Variants in TECRL observed in about 807,000 individuals in gnomAD.
TECRL encodes the protein trans-2,3-enoyl-CoA reductase like.
In TECRL, 63 loss-of-function variants were observed where a neutral mutation model predicts 52.8. That is an observed-to-expected ratio of 1.19 (90% confidence interval 0.97 to 1.47). The LOEUF (loss-of-function observed/expected upper bound fraction) is 1.47. Ranked by LOEUF, TECRL falls within the 40% of genes most tolerant of loss-of-function variation. The pLI, the probability that TECRL is intolerant of heterozygous loss-of-function variation, is 0.00. For synonymous variants in TECRL, 164 were observed against 141.9 expected (o/e 1.16, Z -1.10); for missense variants, 482 against 429.6 (o/e 1.12, Z -1.08).
intron 2 of TECRL, among the ~76,000 whole-genome samples, chr4:64,349,177 G>A (rs1042017921): frequency 1.1e-5 from 1 of 92,456 alleles, no homozygotes; most frequent in African/African-American, 3.2e-5. Flanking sequence ...TTGTTGCCCA[G>A]GCTGTAGTGC....
At position 64,324,672 on chromosome 4, in the gene TECRL, T is replaced by C. The variant is rs544656790; in HGVS notation, c.332-1880A>G. Among the ~76,000 whole-genome samples, 134 of 152,236 alleles carry C rather than the reference T, an allele frequency of 8.8e-4. 2 individuals carry two copies. The highest frequency in any genetic ancestry group is 8.4e-3 in the Admixed American group (129 of 15,280). ...AACAGCCAGATAATTTAGGTGGTCA[T>C]GTTAATGTATATGGTTCTCTGGGTA... On this transcript the variant is annotated intron_variant, in intron 3 of 11. Transcript: ENST00000381210.
Position 64,314,992 on chromosome 4 carries a change from GTTTC to G in TECRL, c.436-233_436-230del, listed in dbSNP as rs1306447643. On this transcript the variant is annotated intron_variant, in intron 4 of 11. Coordinates refer to ENST00000381210, the MANE Select transcript of TECRL (RefSeq NM_001010874.5). ...AATAAATATTGAACCTAATAAACTG[GTTTC>G]TTTCTTCAGATATAGTAAAAAGGAG... Among the ~76,000 whole-genome samples, 5 of 151,964 alleles carry G rather than the reference GTTTC, an allele frequency of 3.3e-5. No homozygotes were observed. In the East Asian group the frequency reaches 9.7e-4, roughly 29 times the overall value.
intron 2 of TECRL, among the ~76,000 whole-genome samples, chr4:64,340,701 G>A (rs112640412): frequency 0.029 from 4,347 of 152,302 alleles, 66 homozygotes; most frequent in Non-Finnish European, 0.038. Context: ...CAGGCTCCTG[G>A]GCAGAGGGGG....
At chr4:64,296,221 G>T (rs993336732) in intron 8 of TECRL, among the ~76,000 whole-genome samples, 1 of 151,718 alleles carries the variant, frequency 6.6e-6, no homozygotes, top group South Asian at 2.1e-4. Flanking sequence ...TGGCCTTTCT[G>T]TGGTTTATAT....
intron 5 of TECRL, among the ~76,000 whole-genome samples, chr4:64,312,738 G>T (rs1236184006): frequency 4.1e-5 from 6 of 146,722 alleles, no homozygotes; most frequent in Non-Finnish European, 8.9e-5. Context: ...CCGCACTCTA[G>T]CCTGGGCTAC....
At chr4:64,308,238 G>A (rs912647423) in intron 6 of TECRL, among the ~76,000 whole-genome samples, 2 of 152,068 alleles carry the variant, frequency 1.3e-5, no homozygotes, top group South Asian at 2.1e-4. Flanking sequence ...AGGAAATGTG[G>A]TTAAGAATTT....
intron 3 of TECRL, 70 bp downstream of exon 3, chr4:64,328,442 A>G (rs1292212077): frequency 3.0e-6 from 4 of 1,324,304 alleles, no homozygotes; most frequent in African/African-American, 2.9e-5. Context: ...GTGATAAGTG[A>G]ATGTCAGCTT....
chr4:64,378,791 G>T (rs1366943021), intron 1 of TECRL, among the ~76,000 whole-genome samples: 1 of 151,884 alleles, frequency 6.6e-6, no homozygotes, highest in African/African-American at 2.4e-5. Flanking sequence ...AATTTTAACT[G>T]AATTATACTA....
chr4:64,315,165 T>G (rs1717409156), intron 4 of TECRL, among the ~76,000 whole-genome samples: 1 of 152,132 alleles, frequency 6.6e-6, no homozygotes, highest in Non-Finnish European at 1.5e-5. Flanking sequence ...TTTTTCTTAT[T>G]CTTTTCTTCC....
intron 2 of TECRL, among the ~76,000 whole-genome samples, chr4:64,338,551 T>G (rs1254110328): frequency 6.6e-6 from 1 of 152,072 alleles, no homozygotes; most frequent in Non-Finnish European, 1.5e-5. Flanking sequence ...AGGGCTTATA[T>G]CCAGAATCTA....
intron 2 of TECRL, among the ~76,000 whole-genome samples, chr4:64,364,092 C>T (rs546149393): frequency 6.6e-6 from 1 of 151,792 alleles, no homozygotes; most frequent in Non-Finnish European, 1.5e-5. Flanking sequence ...AAATAGAAAT[C>T]AACACTAAGA....
At chr4:64,286,436 G>T (rs1368600592) in intron 9 of TECRL, among the ~76,000 whole-genome samples, 5 of 151,832 alleles carry the variant, frequency 3.3e-5, no homozygotes, top group Admixed American at 6.6e-5. Flanking sequence ...AGAAGCTAGA[G>T]ACAGAAGAAG....
chr4:64,384,130 G>A (rs1723011553), intron 1 of TECRL, among the ~76,000 whole-genome samples: 1 of 152,160 alleles, frequency 6.6e-6, no homozygotes, highest in South Asian at 2.1e-4. Flanking sequence ...AGCAGGCCAT[G>A]TGTGCCAGTC....
chr4:64,336,115 G>C (rs187126517), intron 2 of TECRL, among the ~76,000 whole-genome samples: 1 of 152,166 alleles, frequency 6.6e-6, no homozygotes, highest in African/African-American at 2.4e-5. Flanking sequence ...ACCTCTGGTA[G>C]AATTCAGCTG....
chr4:64,349,571 C>G (rs1482837087), intron 2 of TECRL, among the ~76,000 whole-genome samples: 2 of 152,140 alleles, frequency 1.3e-5, no homozygotes, highest in African/African-American at 4.8e-5. Flanking sequence ...AGATTCTAAG[C>G]TTTAACACAA....
intron 5 of TECRL, among the ~76,000 whole-genome samples, chr4:64,312,435 A>C (rs1215380004): frequency 6.6e-6 from 1 of 152,184 alleles, no homozygotes; most frequent in Non-Finnish European, 1.5e-5. Flanking sequence ...TACATTCATC[A>C]CTGAGATACT....
At chr4:64,322,925 C>A in intron 3 of TECRL, 133 bp from the exon 4 acceptor site, 1 of 652,938 alleles carries the variant, frequency 1.5e-6, no homozygotes, top group Non-Finnish European at 2.5e-6. Flanking sequence ...AAGAAATCTT[C>A]AAAGTAAAAC....
chr4:64,306,062 T>C (rs949377220), intron 6 of TECRL, among the ~76,000 whole-genome samples: 17 of 152,162 alleles, frequency 1.1e-4, no homozygotes, highest in African/African-American at 4.1e-4. Flanking sequence ...GGGGGATTGC[T>C]CAGGATCATG....
intron 1 of TECRL, among the ~76,000 whole-genome samples, chr4:64,391,335 C>T (rs1723532036): frequency 6.6e-6 from 1 of 151,754 alleles, no homozygotes; most frequent in African/African-American, 2.4e-5. Flanking sequence ...TTCATATTCT[C>T]AAATGTATAT....
Sources: gnomAD v4.1 joint callset for allele counts (sites outside exome capture counted in the v4.1 genomes callset) on GRCh38, gnomAD v4.1.1 for gene constraint, MANE v1.5 for transcripts, NCBI Gene and HGNC (gene_info 2026-07-23, HGNC 2026-07-21) for gene names.